The following MITF variants were observed in gnomAD, a reference collection of about 807,000 sequenced individuals.
MITF encodes microphthalmia-associated transcription factor.
MITF carries 17 observed loss-of-function variants against 60.5 expected under a neutral mutation model. That is an observed-to-expected ratio of 0.28 (90% CI 0.19 to 0.42). MITF has a LOEUF of 0.42. Ranked by LOEUF, MITF falls within the 10% of genes least tolerant of loss-of-function variation. The pLI, the probability that MITF is intolerant of heterozygous loss-of-function variation, is 1.00. For synonymous variants in MITF, 260 were observed against 248.5 expected (o/e 1.05, Z -0.43); for missense variants, 622 against 683.5 (o/e 0.91, Z 1.00).
At chr3:69,864,088 C>T (rs73838671) in intron 1 of MITF, among the ~76,000 whole-genome samples, 2,695 of 152,236 alleles carry the variant, frequency 0.018, 79 homozygotes, top group East Asian at 0.075. Context: ...GCATCAGAGA[C>T]AATGCTGAAC....
chr3:69,850,653 A>G (rs2063809573), intron 1 of MITF, among the ~76,000 whole-genome samples: 2 of 152,152 alleles, frequency 1.3e-5, no homozygotes, highest in African/African-American at 4.8e-5. Context: ...GTCATTAACT[A>G]TGGTGCCAGG....
At chr3:69,806,442 A>G (rs748731355) in intron 1 of MITF, among the ~76,000 whole-genome samples, 1 of 152,110 alleles carries the variant, frequency 6.6e-6, no homozygotes, top group Non-Finnish European at 1.5e-5. Flanking sequence ...TCATTTGATA[A>G]TGAGAAAGGT....
chr3:69,934,297 C>T (rs949447877), intron 2 of MITF, among the ~76,000 whole-genome samples: 2 of 152,126 alleles, frequency 1.3e-5, no homozygotes, highest in African/African-American at 2.4e-5. Flanking sequence ...GGCTACATGT[C>T]GTGTTGAGAT....
intron 1 of MITF, among the ~76,000 whole-genome samples, chr3:69,792,569 A>G (rs981088407): frequency 3.9e-5 from 6 of 152,188 alleles, no homozygotes; most frequent in Non-Finnish European, 7.3e-5. Context: ...TTTGGTTTAT[A>G]TCAACAATCC....
intron 1 of MITF, among the ~76,000 whole-genome samples, chr3:69,859,472 AATGG>A (rs761583297): frequency 1.1e-4 from 17 of 152,160 alleles, no homozygotes; most frequent in Non-Finnish European, 2.2e-4. Flanking sequence ...CTTGGACCAG[AATGG>A]ATTTAGATGG....
At chr3:69,787,652 T>C (rs113353021) in intron 1 of MITF, among the ~76,000 whole-genome samples, 184 of 152,340 alleles carry the variant, frequency 1.2e-3, no homozygotes, top group African/African-American at 4.2e-3. Context: ...GAGGTTTCAT[T>C]AGGGCAGTAT....
intron 1 of MITF, among the ~76,000 whole-genome samples, chr3:69,775,345 C>T (rs893830239): frequency 1.4e-4 from 21 of 152,094 alleles, no homozygotes; most frequent in African/African-American, 5.1e-4. Context: ...TTTTCTCTCA[C>T]CTATTTATGT....
chr3:69,932,965 A>G lies in MITF; in HGVS notation c.355-4857A>G, dbSNP rs189995061. On this transcript the variant is annotated intron_variant, in intron 2 of 9. Coordinates refer to ENST00000352241, the MANE Select transcript of MITF (RefSeq NM_001354604.2). ...TTCTTTAAACTTGCTGAGCAAAAGA[A>G]CAAATTATCTCTCTAAACATAAGTG... Among the ~76,000 whole-genome samples, 29 of 152,272 alleles carry G rather than the reference A, an allele frequency of 1.9e-4. No individual in the cohort carries two copies. The East Asian group carries it at 5.4e-3, about 28-fold the overall frequency.
In MITF at chr3:69,968,243, A is replaced by G; in HGVS notation, c.*2995A>G. 2 of 232,324 alleles carry G rather than the reference A, an allele frequency of 8.6e-6. No individual in the cohort carries two copies. The highest frequency in any genetic ancestry group is 6.1e-5 in the East Asian group (1 of 16,354). The allele number at this position is 232,324 out of a possible 1,614,324, so 14.4% of individuals were successfully genotyped here. On this transcript the variant is annotated 3_prime_UTR_variant, in exon 10 of 10. Coordinates refer to ENST00000352241, the MANE Select transcript of MITF (RefSeq NM_001354604.2). ...TGCAGCAATAATTTCTGTATGGTCC[A>G]TAGCACTGTATATTATGGATCGATA... is the stretch of plus-strand genomic sequence containing the variant.
At chr3:69,806,215 G>C (rs2063004259) in intron 1 of MITF, among the ~76,000 whole-genome samples, 1 of 151,812 alleles carries the variant, frequency 6.6e-6, no homozygotes, top group African/African-American at 2.4e-5. Context: ...CTCCTGAGTA[G>C]CTGGGATTAC....
Position 69,943,003 on chromosome 3 carries a change from CT to C in MITF, c.762+1679del, listed in dbSNP as rs373045109. Among the ~76,000 whole-genome samples, 77 of 150,440 alleles carry C rather than the reference CT, an allele frequency of 5.1e-4. 2 individuals are homozygous for C. In the East Asian group the frequency reaches 0.011, roughly 21 times the overall value. ...TGACATGATTCTGTAAAATCATTGA[CT>C]TTTTTTGTAATGGCAAAGACCTTTG... On this transcript the variant is annotated intron_variant, in intron 5 of 9. Coordinates refer to ENST00000352241, the MANE Select transcript of MITF (RefSeq NM_001354604.2).
chr3:69,926,197 C>G (rs1000328744), intron 2 of MITF, among the ~76,000 whole-genome samples: 1 of 152,222 alleles, frequency 6.6e-6, no homozygotes, highest in Non-Finnish European at 1.5e-5. Flanking sequence ...GGAACTTCAT[C>G]ATAACATAAT....
intron 7 of MITF, among the ~76,000 whole-genome samples, chr3:69,956,172 C>G (rs1329071201): frequency 6.6e-6 from 1 of 152,078 alleles, no homozygotes; most frequent in Admixed American, 6.5e-5. Context: ...AACAGTATCT[C>G]CAAGGCAATT....
Position 69,923,932 on chromosome 3 carries a change from A to G in MITF, c.355-13890A>G, listed in dbSNP as rs114709312. Reference sequence around the variant, plus strand: ...TTTGTTTGTTTTTTTTTGGCAAAGTACTTTTTATAGTGAGGAAAAATAAAG... The same window carrying G: ...TTTGTTTGTTTTTTTTTGGCAAAGTGCTTTTTATAGTGAGGAAAAATAAAG... On this transcript the variant is annotated intron_variant, in intron 2 of 9. Coordinates refer to ENST00000352241, the MANE Select transcript of MITF (RefSeq NM_001354604.2). Among the ~76,000 whole-genome samples, 403 of 152,138 alleles carry G rather than the reference A, an allele frequency of 2.6e-3. 1 individual carries two copies. Among genetic ancestry groups the G allele is most frequent in the African/African-American group, 9.5e-3 (393 of 41,514 alleles).
At chr3:69,875,238 G>C (rs1487048427) in intron 1 of MITF, among the ~76,000 whole-genome samples, 1 of 152,160 alleles carries the variant, frequency 6.6e-6, no homozygotes, top group East Asian at 1.9e-4. Flanking sequence ...TTGTGTGCCT[G>C]GCTTCAGTGA....
At chr3:69,802,812 C>T (rs1217135216) in intron 1 of MITF, among the ~76,000 whole-genome samples, 1 of 151,060 alleles carries the variant, frequency 6.6e-6, no homozygotes, top group Admixed American at 6.6e-5. Flanking sequence ...CTGCCTCAGC[C>T]TCCCTAGTAG....
At chr3:69,961,688 G>A (rs2066552442) in intron 9 of MITF, among the ~76,000 whole-genome samples, 1 of 152,194 alleles carries the variant, frequency 6.6e-6, no homozygotes, top group Non-Finnish European at 1.5e-5. Context: ...TTGTGCCATT[G>A]CACTCCAGCC....
chr3:69,804,910 A>G (rs2062981358), intron 1 of MITF, among the ~76,000 whole-genome samples: 1 of 152,234 alleles, frequency 6.6e-6, no homozygotes, highest in South Asian at 2.1e-4. Flanking sequence ...TATCAGAGCC[A>G]TAAAACCACA....
intron 1 of MITF, among the ~76,000 whole-genome samples, chr3:69,790,596 C>G (rs1045072581): frequency 2.0e-5 from 3 of 152,168 alleles, no homozygotes; most frequent in Non-Finnish European, 4.4e-5. Context: ...TTGCAAACCC[C>G]AAGGCCACAG....
Sources: allele counts gnomAD v4.1 joint callset (sites outside exome capture counted in the v4.1 genomes callset), GRCh38; gene constraint gnomAD v4.1.1; transcripts MANE v1.5; gene names NCBI Gene and HGNC (gene_info 2026-07-23, HGNC 2026-07-21).